The following IL31RA variants were observed in gnomAD, a reference collection of about 807,000 sequenced individuals.
The protein encoded by IL31RA is interleukin 31 receptor A.
Under a neutral mutation model 83.7 loss-of-function variants are expected in IL31RA, and 66 were observed. That is an observed-to-expected ratio of 0.79 (90% confidence interval 0.65 to 0.97). The LOEUF is 0.97. IL31RA is among the 50% of genes least tolerant of loss of function. IL31RA has a pLI of 0.00. For synonymous variants in IL31RA, 325 were observed against 329.0 expected, an observed-to-expected ratio of 0.99 and a Z score of 0.13; for missense variants, 798 against 919.4, an observed-to-expected ratio of 0.87 and a Z score of 1.71.
At chr5:55,862,695 C>T (rs1331089669) in intron 2 of IL31RA, among the ~76,000 whole-genome samples, 1 of 152,226 alleles carries the variant, frequency 6.6e-6, no homozygotes. Flanking sequence ...GTGTGAGCCA[C>T]TATGCTCAGC....
chr5:55,854,409 A>G (rs1159377176), intron 1 of IL31RA, among the ~76,000 whole-genome samples: 1 of 152,202 alleles, frequency 6.6e-6, no homozygotes, highest in African/African-American at 2.4e-5. Flanking sequence ...AAAAATAGCA[A>G]TTTCATTTGA....
chr5:55,914,305 T>C (rs1749664272), intron 13 of IL31RA, among the ~76,000 whole-genome samples: 1 of 152,204 alleles, frequency 6.6e-6, no homozygotes, highest in South Asian at 2.1e-4. Context: ...TTGTACATTA[T>C]GCACTTAAGT....
Position 55,917,132 on chromosome 5 carries a change from G to A in IL31RA, c.*12G>A, listed in dbSNP as rs1391393910. ...AGGGAGAAGTCTAAATGCGACCATAGCATGAGACCCTCGGGGCCTCAGTGT... is the reference window on the plus strand; with the variant it reads ...AGGGAGAAGTCTAAATGCGACCATAACATGAGACCCTCGGGGCCTCAGTGT... On this transcript the variant is annotated 3_prime_UTR_variant, in exon 15 of 15. Coordinates refer to ENST00000652347, the MANE Select transcript of IL31RA (RefSeq NM_139017.7). 1.2e-6 allele frequency: 2 copies of A among 1,614,082 alleles called. No individual in the cohort carries two copies. Among genetic ancestry groups the A allele is most frequent in the Non-Finnish European group, 1.7e-6 (2 of 1,180,038 alleles).
At chr5:55,877,506 A>T (rs1341220899) in intron 4 of IL31RA, among the ~76,000 whole-genome samples, 1 of 152,222 alleles carries the variant, frequency 6.6e-6, no homozygotes, top group Non-Finnish European at 1.5e-5. Context: ...GACTCCTTTT[A>T]GCATTTCTTA....
At chr5:55,900,334 C>T (rs1273210766) in intron 8 of IL31RA, among the ~76,000 whole-genome samples, 1 of 152,148 alleles carries the variant, frequency 6.6e-6, no homozygotes, top group African/African-American at 2.4e-5. Context: ...ACAAAGCCTG[C>T]GTTAAAAATC....
chr5:55,901,410 C>A (rs1463308735), intron 8 of IL31RA, among the ~76,000 whole-genome samples: 1 of 152,082 alleles, frequency 6.6e-6, no homozygotes, highest in Non-Finnish European at 1.5e-5. Flanking sequence ...GGGTTCAAAT[C>A]TTTGCTCTTC....
At chr5:55,905,994 A>G in intron 8 of IL31RA, 112 bp from the exon 9 acceptor site, 1 of 1,047,624 alleles carries the variant, frequency 9.5e-7, no homozygotes, top group Non-Finnish European at 1.5e-6. Flanking sequence ...TGCAGTGGAG[A>G]TCCTGAACTT....
intron 4 of IL31RA, 49 bp downstream of exon 4, chr5:55,872,500 C>CCTT (rs34945028): frequency 0.57 from 726,217 of 1,270,118 alleles, 216,979 homozygotes; most frequent in African/African-American, 0.85. Flanking sequence ...ATGTTTACCT[C>CCTT]CTTCTCTGTT....
chr5:55,868,959 G>T, intron 3 of IL31RA, 51 bp downstream of exon 3: 2 of 988,118 alleles, frequency 2.0e-6, no homozygotes, highest in Non-Finnish European at 3.3e-6. Flanking sequence ...GGAGGCAGAG[G>T]CTTCTGATTC....
intron 2 of IL31RA, among the ~76,000 whole-genome samples, chr5:55,867,191 GTGTGTGTT>G (rs545463236): frequency 0.015 from 1,766 of 119,604 alleles, 216 homozygotes; most frequent in Middle Eastern, 0.018. Context: ...ATGTGTGTTT[GTGTGTGTT>G]TGTGTGTGTG....
chr5:55,896,527 T>A (rs1748354925), intron 7 of IL31RA, 98 bp downstream of exon 7: 6 of 522,668 alleles, frequency 1.1e-5, no homozygotes, highest in Admixed American at 5.9e-5. Context: ...TCCATCCTCC[T>A]TCCCTTCCCT....
At position 55,872,321 on chromosome 5, in the gene IL31RA, AAAT is replaced by A; in HGVS notation, c.325_327del (p.Asn109del). On this transcript the variant is annotated inframe_deletion, in exon 4 of 15. Coordinates refer to ENST00000652347, the MANE Select transcript of IL31RA (RefSeq NM_139017.7). ...GTACAACCAATAGTTCTACAAGTGA[AAAT>A]CGTGCTTCGTGCTCTTTTTTCCTTC... The A allele has an allele frequency of 6.2e-7, 1 of 1,613,696 alleles. No homozygotes were observed. The highest frequency in any genetic ancestry group is 8.5e-7 in the Non-Finnish European group (1 of 1,179,684).
At chr5:55,915,257 G>A (rs1303694974) in intron 14 of IL31RA, among the ~76,000 whole-genome samples, 1 of 152,138 alleles carries the variant, frequency 6.6e-6, no homozygotes, top group Non-Finnish European at 1.5e-5. Flanking sequence ...AGAGAGAGAG[G>A]AGCCTTGGCT....
intron 12 of IL31RA, 29 bp downstream of exon 12, chr5:55,910,701 C>G (rs1471133037): frequency 7.4e-6 from 12 of 1,612,014 alleles, no homozygotes; most frequent in Non-Finnish European, 1.0e-5. Context: ...CCTTAGGTAC[C>G]TCTCCCTCAC....
At chr5:55,849,164 C>T (rs1301700491), upstream of IL31RA, among the ~76,000 whole-genome samples, 1 of 151,954 alleles carries the variant, frequency 6.6e-6, no homozygotes, top group Non-Finnish European at 1.5e-5. Context: ...TGCTATATCC[C>T]TTCCCATTGC....
chr5:55,888,205 G>A (rs77219349), intron 5 of IL31RA, among the ~76,000 whole-genome samples: 266 of 152,306 alleles, frequency 1.7e-3, no homozygotes, highest in African/African-American at 6.3e-3. Context: ...GTTTTAGTAG[G>A]GTTCCATTGC....
chr5:55,864,282 T>TAC (rs1296127741), intron 2 of IL31RA, among the ~76,000 whole-genome samples: 5 of 81,922 alleles, frequency 6.1e-5, no homozygotes, highest in African/African-American at 2.8e-4. Flanking sequence ...TCCACATATA[T>TAC]ACACACAGAC....
At position 55,917,771 on chromosome 5, in the gene IL31RA, A is replaced by G. The variant is rs1204383105; in HGVS notation, c.*651A>G. Among the ~76,000 whole-genome samples the G allele has an allele frequency of 6.6e-6, 1 of 152,048 alleles. No homozygotes were observed. The highest frequency in any genetic ancestry group is 1.9e-4 in the East Asian group (1 of 5,184). The stretch of plus-strand genomic sequence containing the variant: ...TTTAGACTGCATTGACTACTAAAAA[A>G]TCAAGGAATGGGGAGGGCCCTGGGG... On this transcript the variant is annotated 3_prime_UTR_variant, in exon 15 of 15. Coordinates refer to ENST00000652347, the MANE Select transcript of IL31RA (RefSeq NM_139017.7).
intron 12 of IL31RA, among the ~76,000 whole-genome samples, chr5:55,913,189 C>T (rs1377357948): frequency 6.6e-6 from 1 of 152,054 alleles, no homozygotes; most frequent in Non-Finnish European, 1.5e-5. Flanking sequence ...CTCCCAGGTT[C>T]AAGCGATTCT....
Sources: allele counts gnomAD v4.1 joint callset (sites outside exome capture counted in the v4.1 genomes callset), GRCh38; gene constraint gnomAD v4.1.1; transcripts MANE v1.5; gene names NCBI Gene and HGNC (gene_info 2026-07-23, HGNC 2026-07-21).